KATNIP: variants seen among roughly 807,000 people sequenced by gnomAD.
The protein encoded by KATNIP is katanin interacting protein, also known as katanin-interacting protein.
A neutral mutation model predicts 174.0 loss-of-function variants in KATNIP; 126 were observed. The observed-to-expected ratio is 0.72, with a 90% CI of 0.63 to 0.84. KATNIP has a LOEUF of 0.84. Among genes scored for constraint, KATNIP ranks in the 40% least tolerant of loss-of-function variants. The probability of loss-of-function intolerance (pLI) is 0.00; values close to 1 mark genes in which losing one functional copy is unlikely to be tolerated. For synonymous variants in KATNIP, 810 were observed against 835.7 expected, an observed-to-expected ratio of 0.97 and a Z score of 0.53; for missense variants, 1,958 against 2,109.7, an observed-to-expected ratio of 0.93 and a Z score of 1.41.
chr16:27,614,891 G>A (rs1044870108), intron 2 of KATNIP, among the ~76,000 whole-genome samples: 2 of 152,206 alleles, frequency 1.3e-5, no homozygotes, highest in South Asian at 2.1e-4. Flanking sequence ...GCATCAGGGT[G>A]TTAGCCCTGG....
chr16:27,558,199 G>A (rs919841904), intron 1 of KATNIP, among the ~76,000 whole-genome samples: 2 of 152,176 alleles, frequency 1.3e-5, no homozygotes, highest in African/African-American at 4.8e-5. Context: ...AGGCTGGAGT[G>A]CAGTGGTGCG....
chr16:27,654,801 G>A, intron 6 of KATNIP: 28 of 1,329,338 alleles, frequency 2.1e-5, no homozygotes, highest in Non-Finnish European at 2.8e-5. Context: ...CCAAGCAGCT[G>A]TGCCTGCCTT....
At chr16:27,728,100 C>T (rs998927215) in intron 14 of KATNIP, among the ~76,000 whole-genome samples, 2 of 152,280 alleles carry the variant, frequency 1.3e-5, no homozygotes, top group Non-Finnish European at 1.5e-5. Context: ...CGAGTCAGTG[C>T]GGCCTGATGG....
chr16:27,704,185 T>C (rs186352254), intron 12 of KATNIP, among the ~76,000 whole-genome samples, 187 bp downstream of exon 12: 82 of 150,608 alleles, frequency 5.4e-4, no homozygotes, highest in African/African-American at 1.9e-3. Flanking sequence ...GAAAGGAAGA[T>C]GTAGGCCAGA....
chr16:27,739,824 G>T lies in KATNIP; in HGVS notation c.1744-217G>T, dbSNP rs531851323. Among the ~76,000 whole-genome samples the T allele has an allele frequency of 6.0e-4, 91 of 151,298 alleles. 2 individuals carry two copies. The South Asian group carries it at 0.018, about 30-fold the overall frequency. Reference sequence around the variant, plus strand: ...GATGACGAAGGCAGCGATTGAGGCCGTCTCTTTGTGAAAGTCCTTTGATTT... The same window carrying T: ...GATGACGAAGGCAGCGATTGAGGCCTTCTCTTTGTGAAAGTCCTTTGATTT... On this transcript the variant is annotated intron_variant, in intron 14 of 27. Coordinates refer to ENST00000261588, the MANE Select transcript of KATNIP (RefSeq NM_015202.5).
chr16:27,774,796 A>G, intron 23 of KATNIP, 149 bp from the exon 24 acceptor site: 1 of 850,614 alleles, frequency 1.2e-6, no homozygotes, highest in Non-Finnish European at 1.8e-6. Context: ...TTTCCCCAGG[A>G]CACGTCCAAT....
Position 27,715,614 on chromosome 16 carries a change from A to G in KATNIP, c.1606-5944A>G, listed in dbSNP as rs374408686. Among the ~76,000 whole-genome samples, 23 of 152,318 alleles carry G rather than the reference A, an allele frequency of 1.5e-4. No homozygotes were observed. The South Asian group carries it at 4.8e-3, about 32-fold the overall frequency. ...TGACAAAAAGATGAACAACCCAATT[A>G]AAATATGGCCAAAGGACTTTGAATA... On this transcript the variant is annotated intron_variant, in intron 13 of 27. Coordinates refer to ENST00000261588, the MANE Select transcript of KATNIP (RefSeq NM_015202.5).
In KATNIP at chr16:27,701,608, C is replaced by T. The variant is rs975593919; in HGVS notation, c.1199C>T (p.Ala400Val). The T allele has an allele frequency of 5.0e-6, 8 of 1,599,026 alleles. No homozygotes were observed. The African/African-American group carries it at 6.7e-5, about 13-fold the overall frequency. ...CCTCAGCTGCTTCCCATCACCACGG[C>T]GACTACTACTCAGGAGCCGGCCGGG... ...ETLELLPITT[A>V]TTTQEPAGAA... The change falls in exon 11 of 28, where the codon GCG (alanine) becomes GTG (valine). Residue 400 changes from alanine to valine, a missense_variant. Around this residue, in one of 3 missense-constraint regions of KATNIP, gnomAD observed 1,557 missense variants for 1,617.8 expected, o/e 0.96. Transcript: ENST00000261588.
chr16:27,570,039 C>T (rs2090229690), intron 1 of KATNIP, among the ~76,000 whole-genome samples: 3 of 152,108 alleles, frequency 2.0e-5, no homozygotes, highest in Non-Finnish European at 2.9e-5. Context: ...TGAGCCACTA[C>T]ATCTGTCCTA....
At chr16:27,659,033 C>T (rs2077383535) in intron 6 of KATNIP, among the ~76,000 whole-genome samples, 1 of 151,980 alleles carries the variant, frequency 6.6e-6, no homozygotes, top group African/African-American at 2.4e-5. Context: ...TCCCAAAGTG[C>T]TGGGATTACA....
intron 13 of KATNIP, among the ~76,000 whole-genome samples, chr16:27,710,488 G>A (rs1048822144): frequency 1.3e-5 from 2 of 152,120 alleles, no homozygotes; most frequent in Non-Finnish European, 2.9e-5. Flanking sequence ...TAGCAGCCAC[G>A]TCATCTTTGC....
intron 2 of KATNIP, among the ~76,000 whole-genome samples, chr16:27,599,330 G>T (rs1212973268): frequency 6.6e-6 from 1 of 152,168 alleles, no homozygotes; most frequent in East Asian, 1.9e-4. Flanking sequence ...CCTTGCAAGG[G>T]CAGTCAACAC....
At chr16:27,659,086 A>T (rs530222169) in intron 6 of KATNIP, among the ~76,000 whole-genome samples, 1 of 152,262 alleles carries the variant, frequency 6.6e-6, no homozygotes, top group South Asian at 2.1e-4. Context: ...ATTTGTATCC[A>T]AAATATTGAC....
rs145788229 is a variant in KATNIP at position 27,765,078 on chromosome 16, G to T, written c.3810-1231G>T. ...GTGGCAGCAGGCCAAGTTTCTCCCA[G>T]TACAGCAGCTGTGAGGTACCAGGAA... On this transcript the variant is annotated intron_variant, in intron 19 of 27. Coordinates refer to ENST00000261588, the MANE Select transcript of KATNIP (RefSeq NM_015202.5). 3.4e-3 allele frequency among the ~76,000 whole-genome samples: 519 copies of T among 152,260 alleles called. 2 individuals carry two copies. The highest frequency in any genetic ancestry group is 0.02 in the Middle Eastern group (6 of 294).
At chr16:27,636,110 C>T (rs1411134472) in intron 5 of KATNIP, among the ~76,000 whole-genome samples, 3 of 152,148 alleles carry the variant, frequency 2.0e-5, no homozygotes, top group African/African-American at 2.4e-5. Context: ...GCCATGACCG[C>T]ACCACTGCAC....
At chr16:27,713,963 G>A (rs1336811986) in intron 13 of KATNIP, among the ~76,000 whole-genome samples, 14 of 149,798 alleles carry the variant, frequency 9.3e-5, no homozygotes, top group Non-Finnish European at 4.4e-5. Context: ...GAGGCTCTCT[G>A]TGAACAGGCC....
At chr16:27,661,104 A>C (rs57231083) in intron 6 of KATNIP, among the ~76,000 whole-genome samples, 3,552 of 152,306 alleles carry the variant, frequency 0.023, 101 homozygotes, top group East Asian at 0.089. Context: ...CAAACTGTGA[A>C]TCAGGACACA....
chr16:27,663,038 ATCT>A (rs1202697443), intron 6 of KATNIP, among the ~76,000 whole-genome samples: 5 of 151,074 alleles, frequency 3.3e-5, no homozygotes, highest in Non-Finnish European at 2.9e-5. Flanking sequence ...TTCTGCTTTC[ATCT>A]TAATTCCTCT....
chr16:27,642,240 A>G (rs1274201414), intron 5 of KATNIP, among the ~76,000 whole-genome samples: 6 of 152,218 alleles, frequency 3.9e-5, no homozygotes, highest in African/African-American at 1.4e-4. Context: ...ACATGGATGA[A>G]GCTGGAAACT....
Sources: allele counts gnomAD v4.1 joint callset (sites outside exome capture counted in the v4.1 genomes callset), GRCh38; gene constraint gnomAD v4.1.1; regional missense constraint gnomAD v4.1.1; transcripts MANE v1.5; gene names NCBI Gene and HGNC (gene_info 2026-07-23, HGNC 2026-07-21).